Variants in CIAO2A observed in about 807,000 individuals in gnomAD.
CIAO2A encodes the protein cytosolic iron-sulfur assembly component 2A.
Under a neutral mutation model 22.4 loss-of-function variants are expected in CIAO2A, and 17 were observed. The observed-to-expected ratio is 0.76, with a 90% CI of 0.52 to 1.14. The LOEUF (loss-of-function observed/expected upper bound fraction) is 1.14, where lower values mean the gene tolerates loss of function less well. Ranked by LOEUF, CIAO2A falls within the 50% of genes most tolerant of loss-of-function variation. The pLI is 0.00. For synonymous variants in CIAO2A, 74 were observed against 72.3 expected (o/e 1.02, Z -0.12); for missense variants, 192 against 191.4 (o/e 1.00, Z -0.02).
At chr15:64,074,333 T>C (rs2080700004) in intron 4 of CIAO2A, 1 of 152,238 alleles carries the variant, frequency 6.6e-6, no homozygotes, top group African/African-American at 2.4e-5. Flanking sequence ...CAATGTAGGC[T>C]CCACAAAGGC....
At chr15:64,076,851 A>G (rs559552987) in intron 3 of CIAO2A, among the ~76,000 whole-genome samples, 15 of 147,648 alleles carry the variant, frequency 1.0e-4, no homozygotes, top group Non-Finnish European at 1.9e-4. Context: ...CAGCTCCCAC[A>G]CTCCCACCCC....
chr15:64,087,389 C>A (rs748373252), intron 2 of CIAO2A, among the ~76,000 whole-genome samples: 9 of 151,914 alleles, frequency 5.9e-5, no homozygotes, highest in Admixed American at 1.3e-4. Flanking sequence ...CCGCGCCCGG[C>A]CTAATTTTGT....
At chr15:64,075,777 A>G (rs1193186781) in intron 3 of CIAO2A, among the ~76,000 whole-genome samples, 1 of 151,764 alleles carries the variant, frequency 6.6e-6, no homozygotes, top group Non-Finnish European at 1.5e-5. Flanking sequence ...CAGCCTCCCA[A>G]TAGCTGGAAT....
chr15:64,084,335 T>C (rs966169468), intron 2 of CIAO2A, among the ~76,000 whole-genome samples: 2 of 152,158 alleles, frequency 1.3e-5, no homozygotes, highest in Non-Finnish European at 2.9e-5. Flanking sequence ...AATTAGTTCC[T>C]TAACTCCTGC....
chr15:64,077,624 C>T (rs540120453), intron 3 of CIAO2A, among the ~76,000 whole-genome samples: 1 of 152,198 alleles, frequency 6.6e-6, no homozygotes, highest in East Asian at 1.9e-4. Flanking sequence ...CTGAATCTAA[C>T]CAGGAAACAT....
chr15:64,090,736 C>A (rs927189816), intron 1 of CIAO2A, among the ~76,000 whole-genome samples: 1 of 152,148 alleles, frequency 6.6e-6, no homozygotes, highest in Admixed American at 6.5e-5. Context: ...CAAGTAGGAA[C>A]TGAAAATGTC....
intron 3 of CIAO2A, among the ~76,000 whole-genome samples, chr15:64,077,262 C>A (rs1254382336): frequency 6.6e-6 from 1 of 152,180 alleles, no homozygotes. Context: ...TGCGCCACTG[C>A]ACTCCAGCCT....
At chr15:64,073,799 G>A (rs1018101583) in intron 4 of CIAO2A, 10 of 152,138 alleles carry the variant, frequency 6.6e-5, no homozygotes, top group African/African-American at 1.9e-4. Context: ...ATGTTGCCCA[G>A]GCTAGTCTTG....
rs752209681 is a variant in CIAO2A, at chr15:64,072,925, C to T, written c.*6G>A. 1 of 1,596,332 alleles carries T rather than the reference C, an allele frequency of 6.3e-7. No individual in the cohort carries two copies. The highest frequency in any genetic ancestry group is 1.7e-5 in the Admixed American group (1 of 59,352). ...AATTACAGGCCAGTGGCTCTTAAAA[C>T]AGCTATCAGTCAGGTTCAAGGACAC... On this transcript the variant is annotated 3_prime_UTR_variant, in exon 5 of 5. Transcript: ENST00000300030.
chr15:64,086,503 C>T (rs954535685), intron 2 of CIAO2A, among the ~76,000 whole-genome samples: 2 of 152,144 alleles, frequency 1.3e-5, no homozygotes, highest in Non-Finnish European at 2.9e-5. Flanking sequence ...TTAAGACACC[C>T]CCTCCACAAC....
At chr15:64,085,765 G>A (rs928163567) in intron 2 of CIAO2A, among the ~76,000 whole-genome samples, 9 of 151,910 alleles carry the variant, frequency 5.9e-5, no homozygotes, top group African/African-American at 2.2e-4. Context: ...CTGGAGTGCA[G>A]TGGCGTGACC....
At chr15:64,080,211 C>A (rs564924410) in intron 3 of CIAO2A, among the ~76,000 whole-genome samples, 5 of 151,808 alleles carry the variant, frequency 3.3e-5, no homozygotes, top group South Asian at 2.1e-4. Context: ...CATGGTGAAA[C>A]CCTGTCTCTA....
At chr15:64,080,971 C>T in intron 3 of CIAO2A, 131 bp downstream of exon 3, 1 of 760,198 alleles carries the variant, frequency 1.3e-6, no homozygotes, top group Non-Finnish European at 2.1e-6. Flanking sequence ...AAATGTCCAT[C>T]AACTGAGTAA....
rs930413467 is a variant in CIAO2A at position 64,084,744 on chromosome 15, G to A, written c.290-3593C>T. On this transcript the variant is annotated intron_variant, in intron 2 of 4. Transcript: ENST00000300030. ...AGATCATGCCATTGCACTCCAGCCT[G>A]GGCAACAAGAGTGAAACTCCGTCTC... is the stretch of plus-strand genomic sequence containing the variant. Among the ~76,000 whole-genome samples, 7 of 151,926 alleles carry A rather than the reference G, an allele frequency of 4.6e-5. No homozygotes were observed. In the South Asian group the frequency reaches 1.5e-3, roughly 32 times the overall value.
chr15:64,089,442 G>C (rs570794940), intron 1 of CIAO2A, among the ~76,000 whole-genome samples: 17 of 18,358 alleles, frequency 9.3e-4, no homozygotes, highest in African/African-American at 1.7e-3. Context: ...TTGAGCCCAG[G>C]AGGCAGAGGT....
At chr15:64,090,872 C>T (rs747607729) in intron 1 of CIAO2A, among the ~76,000 whole-genome samples, 7 of 152,044 alleles carry the variant, frequency 4.6e-5, no homozygotes, top group African/African-American at 9.7e-5. Context: ...TTGGGAGGAG[C>T]GGAGACTGGT....
intron 2 of CIAO2A, among the ~76,000 whole-genome samples, chr15:64,088,056 A>G (rs1283225962): frequency 1.3e-5 from 2 of 152,198 alleles, no homozygotes. Flanking sequence ...TTCACCATCA[A>G]TGATTATTTA....
chr15:64,090,348 A>T (rs1567309318), intron 1 of CIAO2A: 1 of 153,726 alleles, frequency 6.5e-6, no homozygotes, highest in Non-Finnish European at 1.5e-5. Flanking sequence ...CGTCTCAAAA[A>T]CAAAAACAAA....
intron 3 of CIAO2A, among the ~76,000 whole-genome samples, chr15:64,080,650 C>T (rs1051270413): frequency 2.6e-5 from 4 of 152,172 alleles, no homozygotes; most frequent in Non-Finnish European, 5.9e-5. Context: ...CCACTGAACT[C>T]CAGCCTGGGT....
Sources: allele counts gnomAD v4.1 joint callset (sites outside exome capture counted in the v4.1 genomes callset), GRCh38; gene constraint gnomAD v4.1.1; transcripts MANE v1.5; gene names NCBI Gene and HGNC (gene_info 2026-07-23, HGNC 2026-07-21).